The following ZNF624 variants were observed in gnomAD, a reference collection of about 807,000 sequenced individuals.
The protein encoded by ZNF624 is zinc finger protein 624.
Under a neutral mutation model 74.7 loss-of-function variants are expected in ZNF624, and 43 were observed. The observed-to-expected ratio is 0.58, with a 90% CI of 0.45 to 0.74. The LOEUF is 0.74. Among genes scored for constraint, ZNF624 ranks in the 30% least tolerant of loss-of-function variants. ZNF624 has a pLI of 0.00. For synonymous variants in ZNF624, 331 were observed against 341.3 expected, an observed-to-expected ratio of 0.97 and a Z score of 0.33; for missense variants, 820 against 1,030.0, an observed-to-expected ratio of 0.80 and a Z score of 2.79.
In ZNF624 at chr17:16,649,235, A is replaced by T. The variant is rs1404656864; in HGVS notation, c.87+423T>A. Among the ~76,000 whole-genome samples the T allele has an allele frequency of 2.0e-5, 3 of 152,336 alleles. No individual in the cohort carries two copies. In the East Asian group the frequency reaches 5.8e-4, roughly 29 times the overall value. ...AATGAGTAGAAAAGAGATCACTGAGAGTGGCACAAGGGGAATGGTTCCTGT... is the reference window on the plus strand; with the variant it reads ...AATGAGTAGAAAAGAGATCACTGAGTGTGGCACAAGGGGAATGGTTCCTGT... On this transcript the variant is annotated intron_variant, in intron 2 of 5. Transcript: ENST00000311331.
intron 5 of ZNF624, 53 bp downstream of exon 5, chr17:16,633,809 C>T (rs1909260279): frequency 7.3e-7 from 1 of 1,376,048 alleles, no homozygotes; most frequent in East Asian, 2.3e-5. Context: ...GAACATCCCC[C>T]TATAGTCTGT....
At chr17:16,618,313 CAAAAA>C (rs1189651401), downstream of ZNF624, among the ~76,000 whole-genome samples, 1 of 152,076 alleles carries the variant, frequency 6.6e-6, no homozygotes, top group Non-Finnish European at 1.5e-5. Flanking sequence ...GGATCCAACT[CAAAAA>C]CAAACAACAA....
intron 3 of ZNF624, among the ~76,000 whole-genome samples, chr17:16,637,090 G>A (rs1909351074): frequency 6.6e-6 from 1 of 152,108 alleles, no homozygotes; most frequent in Admixed American, 6.5e-5. Context: ...GACAAACAGA[G>A]AACCAAATCA....
rs1236355049 is a variant in ZNF624 at position 16,624,446 on chromosome 17, G to A, written c.440C>T (p.Ser147Leu). 6.2e-7 allele frequency: 1 copy of A among 1,602,730 alleles called. No individual in the cohort carries two copies. Among genetic ancestry groups the A allele is most frequent in the South Asian group, 1.1e-5 (1 of 88,244 alleles). ...TRTKAISEDL[S>L]QEAILEKLTE... Reference sequence around the variant, plus strand: ...AAGTTTCTCTAGTATGGCCTCCTGTGATAAATCTTCAGAAATAGCCTTTGT... The same window carrying A: ...AAGTTTCTCTAGTATGGCCTCCTGTAATAAATCTTCAGAAATAGCCTTTGT... The change falls in exon 6 of 6, where the codon TCA becomes TTA. Residue 147 changes from serine to leucine, a missense_variant. Coordinates refer to ENST00000311331, the MANE Select transcript of ZNF624 (RefSeq NM_020787.4).
intron 5 of ZNF624, among the ~76,000 whole-genome samples, chr17:16,629,422 C>G (rs910778234): frequency 3.3e-5 from 5 of 151,730 alleles, no homozygotes; most frequent in Non-Finnish European, 7.4e-5. Context: ...CCTCCCAACA[C>G]CTGGCCAAAG....
At chr17:16,618,929 T>G (rs986369146), downstream of ZNF624, among the ~76,000 whole-genome samples, 1 of 152,212 alleles carries the variant, frequency 6.6e-6, no homozygotes, top group African/African-American at 2.4e-5. Context: ...AGGTCAAAAG[T>G]TATACAATGA....
rs1302395822 is a variant in ZNF624, at chr17:16,624,436, G to C, written c.450C>G (p.Ala150=). 6.8e-6 allele frequency: 11 copies of C among 1,607,948 alleles called. No individual in the cohort carries two copies. Among genetic ancestry groups the C allele is most frequent in the African/African-American group, 1.3e-5 (1 of 74,428 alleles). Residue 150 remains alanine (A), a synonymous_variant, in exon 6 of 6, where the codon GCC becomes GCG. Transcript: ENST00000311331. ...CATTCTCTGTAAGTTTCTCTAGTAT[G>C]GCCTCCTGTGATAAATCTTCAGAAA... ...KAISEDLSQE[A]ILEKLTENGL...
At chr17:16,620,072 T>G (rs1263642551), downstream of ZNF624, among the ~76,000 whole-genome samples, 1 of 152,266 alleles carries the variant, frequency 6.6e-6, no homozygotes, top group African/African-American at 2.4e-5. Flanking sequence ...TGGAAGATAA[T>G]TCACATCAGT....
At chr17:16,629,081 G>A (rs1158061882) in intron 5 of ZNF624, among the ~76,000 whole-genome samples, 4 of 150,962 alleles carry the variant, frequency 2.6e-5, no homozygotes, top group South Asian at 2.1e-4. Context: ...GCCTGTAGTC[G>A]CAGCTACTCA....
intron 3 of ZNF624, among the ~76,000 whole-genome samples, chr17:16,646,570 A>T (rs1233797064): frequency 6.6e-6 from 1 of 152,258 alleles, no homozygotes; most frequent in African/African-American, 2.4e-5. Context: ...AAACCGATGT[A>T]CAGATAGTGG....
intron 1 of ZNF624, 162 bp downstream of exon 1, chr17:16,653,602 C>T (rs890703209): frequency 7.2e-5 from 11 of 152,804 alleles, no homozygotes; most frequent in African/African-American, 2.6e-4. Context: ...TGAACCCACA[C>T]TCGGGAAGGA....
intron 2 of ZNF624, among the ~76,000 whole-genome samples, chr17:16,647,773 C>G (rs932516965): frequency 1.3e-5 from 2 of 152,286 alleles, no homozygotes; most frequent in Admixed American, 1.3e-4. Context: ...CTAACACTAT[C>G]TGTTTTCTAC....
chr17:16,615,956 C>CAT (rs56321425), downstream of ZNF624, among the ~76,000 whole-genome samples: 10,664 of 85,620 alleles, frequency 0.12, 862 homozygotes, highest in Non-Finnish European at 0.18. Context: ...ATTCCATATA[C>CAT]ATATATATAT....
chr17:16,636,749 T>C (rs1597495324), intron 3 of ZNF624, among the ~76,000 whole-genome samples: 2 of 150,936 alleles, frequency 1.3e-5, no homozygotes, highest in East Asian at 1.9e-4. Context: ...GGCAGGAGAA[T>C]GGCATGAACC....
downstream of ZNF624, chr17:16,617,576 C>T (rs1048321619): frequency 3.8e-6 from 6 of 1,575,666 alleles, no homozygotes; most frequent in Admixed American, 5.0e-5. Flanking sequence ...ACAGGTGGTC[C>T]GTATTTGTCT....
chr17:16,631,000 CCTAT>C (rs1020877285), intron 5 of ZNF624, among the ~76,000 whole-genome samples: 3 of 111,452 alleles, frequency 2.7e-5, no homozygotes, highest in African/African-American at 3.4e-5. Flanking sequence ...TCAATACCTA[CCTAT>C]AGGCTGTACA....
chr17:16,619,275 G>GA, downstream of ZNF624, among the ~76,000 whole-genome samples: 1 of 152,252 alleles, frequency 6.6e-6, no homozygotes, highest in Non-Finnish European at 1.5e-5. Context: ...AGAGAATGTA[G>GA]AAAAATATCT....
At chr17:16,618,060 A>G (rs955984682), downstream of ZNF624, among the ~76,000 whole-genome samples, 2 of 152,346 alleles carry the variant, frequency 1.3e-5, no homozygotes, top group South Asian at 2.1e-4. Flanking sequence ...TTGCAAAAAT[A>G]TAAGAATTGC....
At chr17:16,625,581 TTTAA>T (rs1204791402) in intron 5 of ZNF624, among the ~76,000 whole-genome samples, 1 of 152,198 alleles carries the variant, frequency 6.6e-6, no homozygotes, top group African/African-American at 2.4e-5. Context: ...GTACATACCT[TTTAA>T]TAAAACTTTT....
Sources: gnomAD v4.1 joint callset for allele counts (sites outside exome capture counted in the v4.1 genomes callset) on GRCh38, gnomAD v4.1.1 for gene constraint, MANE v1.5 for transcripts, NCBI Gene and HGNC (gene_info 2026-07-23, HGNC 2026-07-21) for gene names.